Variants in ATG4A observed in about 807,000 individuals in gnomAD.
The protein encoded by ATG4A is cysteine protease ATG4A.
Under a neutral mutation model 38.4 loss-of-function variants are expected in ATG4A, and 22 were observed. The ratio of observed to expected loss-of-function variants is 0.57; its 90% CI spans 0.41 to 0.82. ATG4A has a LOEUF of 0.82. Among genes scored for constraint, ATG4A ranks in the 40% least tolerant of loss-of-function variants. The pLI, the probability that ATG4A is intolerant of heterozygous loss-of-function variation, is 0.00. For missense variants in ATG4A, 220 were observed against 290.0 expected, an observed-to-expected ratio of 0.76 and a Z score of 1.75; for synonymous variants, 86 against 100.7, an observed-to-expected ratio of 0.85 and a Z score of 0.88.
At chrX:108,124,586 G>A (rs1338728837) in intron 1 of ATG4A, among the ~76,000 whole-genome samples, 1 of 110,236 alleles carries the variant, frequency 9.1e-6, no homozygotes, top group African/African-American at 3.3e-5. Flanking sequence ...CGAGTAGCTG[G>A]GACTACAGGC....
intron 1 of ATG4A, among the ~76,000 whole-genome samples, chrX:108,120,870 T>C (rs1356371361): frequency 8.9e-6 from 1 of 112,116 alleles, no homozygotes; most frequent in Admixed American, 9.4e-5. Flanking sequence ...GAAGGATAAC[T>C]CTTTGGTTAA....
At chrX:108,134,471 A>G in intron 6 of ATG4A, 60 bp downstream of exon 6, 2 of 1,051,445 alleles carry the variant, frequency 1.9e-6, no homozygotes, top group Non-Finnish European at 2.6e-6. Flanking sequence ...CCCTCCCTAG[A>G]CAACTAAACC....
intron 9 of ATG4A, among the ~76,000 whole-genome samples, chrX:108,146,901 C>T (rs890956555): frequency 8.9e-6 from 1 of 112,192 alleles, no homozygotes; most frequent in Non-Finnish European, 1.9e-5. Context: ...GAGTCTCTAA[C>T]ATAGTGGGCC....
chrX:108,112,903 G>A (rs1198486802), intron 1 of ATG4A, among the ~76,000 whole-genome samples: 1 of 109,911 alleles, frequency 9.1e-6, no homozygotes, highest in Admixed American at 9.6e-5. Flanking sequence ...AGGTTTTTAT[G>A]ATTTTTTTTT....
intron 1 of ATG4A, among the ~76,000 whole-genome samples, chrX:108,102,204 C>T (rs1003302428): frequency 9.9e-5 from 11 of 111,491 alleles, no homozygotes; most frequent in African/African-American, 2.9e-4. Flanking sequence ...GTTCCAATTT[C>T]TCCACATTCT....
In ATG4A at chrX:108,128,952, T is replaced by C. The variant is rs758217160; in HGVS notation, c.193+100T>C. 7.0e-5 allele frequency: 35 copies of C among 497,240 alleles called. No individual in the cohort carries two copies. In the African/African-American group the frequency reaches 8.6e-4, roughly 12 times the overall value. 41.0% of individuals were successfully genotyped at this position (497,240 alleles called of 1,213,427 possible). A position where few individuals can be genotyped will look rare whatever the true frequency, so the allele number is the denominator to read the frequency against. ...AAACCTCAGAATTAACAGTTCACTATAGCAAAGAATTTGATTGAGGAGACT... is the reference window on the plus strand; with the variant it reads ...AAACCTCAGAATTAACAGTTCACTACAGCAAAGAATTTGATTGAGGAGACT... On this transcript the variant is annotated intron_variant, in intron 3 of 12. Transcript: ENST00000372232.
chrX:108,132,672 T>C (rs2032991972), intron 4 of ATG4A, among the ~76,000 whole-genome samples: 2 of 110,922 alleles, frequency 1.8e-5, no homozygotes, highest in Non-Finnish European at 3.8e-5. Context: ...CCTTGTCCAG[T>C]GATTTCCCTT....
chrX:108,151,921 ATTGT>A, intron 11 of ATG4A, 63 bp downstream of exon 11: 1 of 1,007,166 alleles, frequency 9.9e-7, no homozygotes, highest in Non-Finnish European at 1.4e-6. Context: ...CCTTTTCAAG[ATTGT>A]TTTTCATAGT....
intron 9 of ATG4A, among the ~76,000 whole-genome samples, chrX:108,148,021 AT>A (rs1379323923): frequency 0.081 from 25 of 310 alleles, 1 homozygote; most frequent in East Asian, 0.33. Flanking sequence ...CTAATGGAAA[AT>A]ATATATATAT....
intron 9 of ATG4A, among the ~76,000 whole-genome samples, chrX:108,146,305 T>A (rs2033420071): frequency 8.9e-6 from 1 of 111,825 alleles, no homozygotes; most frequent in Non-Finnish European, 1.9e-5. Context: ...TAAGTAGGAA[T>A]GCAGTAGGCT....
chrX:108,148,020 AATATATATATAT>A lies in ATG4A; in HGVS notation c.815-2087_815-2076del, dbSNP rs60886281. On this transcript the variant is annotated intron_variant, in intron 9 of 12. Transcript: ENST00000372232. Reference sequence around the variant, plus strand: ...CTCTAGAGGGACAGAACTAATGGAAAATATATATATATATATATATATATATATATATATATA... The same window carrying A: ...CTCTAGAGGGACAGAACTAATGGAAAATATATATATATATATATATATATA... Among the ~76,000 whole-genome samples, 80 of 80,091 alleles carry A rather than the reference AATATATATATAT, an allele frequency of 1.0e-3. 2 individuals are homozygous for A. Among genetic ancestry groups the A allele is most frequent in the African/African-American group, 2.2e-3 (45 of 20,556 alleles). 69.5% of individuals were successfully genotyped at this position (80,091 alleles called of 115,157 possible).
At chrX:108,091,108 C>T (rs966553012), upstream of ATG4A, among the ~76,000 whole-genome samples, 2 of 113,521 alleles carry the variant, frequency 1.8e-5, no homozygotes, top group South Asian at 3.5e-4. Context: ...TAAATAAATC[C>T]ATATAAAAAG....
chrX:108,133,087 C>G (rs2033006349), intron 4 of ATG4A, among the ~76,000 whole-genome samples: 1 of 112,145 alleles, frequency 8.9e-6, no homozygotes, highest in Non-Finnish European at 1.9e-5. Context: ...TGTGGTTCAC[C>G]CTCTGAGGGC....
At chrX:108,127,640 C>T (rs2032835687) in intron 2 of ATG4A, among the ~76,000 whole-genome samples, 1 of 111,739 alleles carries the variant, frequency 8.9e-6, no homozygotes, top group Non-Finnish European at 1.9e-5. Flanking sequence ...TGCTAGGCAC[C>T]GGGGCATGGA....
chrX:108,115,427 A>T (rs2032480707), intron 1 of ATG4A, among the ~76,000 whole-genome samples: 1 of 111,525 alleles, frequency 9.0e-6, no homozygotes, highest in South Asian at 3.8e-4. Flanking sequence ...CTCCCAGGTA[A>T]TACCACCTCC....
intron 1 of ATG4A, 48 bp downstream of exon 1, chrX:108,091,884 G>A: frequency 8.3e-7 from 1 of 1,208,841 alleles, no homozygotes; most frequent in East Asian, 3.0e-5. Context: ...GCCGGGGTGG[G>A]TAGTCGCTGG....
chrX:108,101,441 C>G (rs868539817), intron 1 of ATG4A, among the ~76,000 whole-genome samples: 1 of 107,689 alleles, frequency 9.3e-6, no homozygotes, highest in Middle Eastern at 4.7e-3. Flanking sequence ...GTTTAATTTG[C>G]TCTTACTTTT....
At position 108,100,967 on chromosome X, in the gene ATG4A, A is replaced by G. The variant is rs577690652; in HGVS notation, c.10+9131A>G. Among the ~76,000 whole-genome samples, 7 of 111,294 alleles carry G rather than the reference A, an allele frequency of 6.3e-5. No individual in the cohort carries two copies. The East Asian group carries it at 1.1e-3, about 18-fold the overall frequency. On this transcript the variant is annotated intron_variant, in intron 1 of 12. Transcript: ENST00000372232. ...TTTCTAGAAGACATTGTGTAATATG[A>G]GTGTTAATTCTTCTTTAAGTATTTG...
At chrX:108,138,811 A>G (rs1027452404) in intron 9 of ATG4A, among the ~76,000 whole-genome samples, 1 of 111,959 alleles carries the variant, frequency 8.9e-6, no homozygotes, top group Non-Finnish European at 1.9e-5. Context: ...AAGCTTTAGC[A>G]TGCACATGAA....
Sources: allele counts gnomAD v4.1 joint callset (sites outside exome capture counted in the v4.1 genomes callset), GRCh38; gene constraint gnomAD v4.1.1; transcripts MANE v1.5; gene names NCBI Gene and HGNC (gene_info 2026-07-23, HGNC 2026-07-21).